The following ANKDD1A variants were observed in gnomAD, a reference collection of about 807,000 sequenced individuals.
The protein encoded by ANKDD1A is ankyrin repeat and death domain containing 1A.
In ANKDD1A, 59 loss-of-function variants were observed where a neutral mutation model predicts 63.5. The ratio of observed to expected loss-of-function variants is 0.93; its 90% CI spans 0.75 to 1.15. The LOEUF is 1.15. Ranked by LOEUF, ANKDD1A falls within the 50% of genes most tolerant of loss-of-function variation. The pLI is 0.00. For missense variants in ANKDD1A, 632 were observed against 656.4 expected (o/e 0.96, Z 0.41); for synonymous variants, 266 against 263.9 (o/e 1.01, Z -0.08).
chr15:64,953,628 T>TTCCTTCTTCTTTC (rs2085351867), intron 14 of ANKDD1A, among the ~76,000 whole-genome samples: 31 of 125,742 alleles, frequency 2.5e-4, no homozygotes, highest in Non-Finnish European at 3.9e-4. Context: ...CTTCTTCTTC[T>TTCCTTCTTCTTTC]TCCTTCTTCT....
At chr15:64,927,142 T>C in intron 6 of ANKDD1A, 143 bp downstream of exon 6, 1 of 846,690 alleles carries the variant, frequency 1.2e-6, no homozygotes, top group Non-Finnish European at 1.9e-6. Flanking sequence ...GTATTTAGTG[T>C]TCATCCAGCA....
intron 9 of ANKDD1A, among the ~76,000 whole-genome samples, chr15:64,934,565 T>TCTCGG (rs2085113280): frequency 1.4e-5 from 2 of 146,494 alleles, no homozygotes; most frequent in African/African-American, 2.5e-5. Context: ...AGTGTTGCAA[T>TCTCGG]CTCGGCTCAC....
At chr15:64,934,068 C>G in intron 8 of ANKDD1A, 68 bp from the exon 9 acceptor site, 3 of 1,323,920 alleles carry the variant, frequency 2.3e-6, no homozygotes, top group Non-Finnish European at 2.1e-6. Flanking sequence ...AAATGAATCT[C>G]GAAGAGCTTT....
At chr15:64,927,602 CTTTTTTTTTTTT>C (rs5813333) in intron 6 of ANKDD1A, among the ~76,000 whole-genome samples, 2 of 130,646 alleles carry the variant, frequency 1.5e-5, no homozygotes, top group African/African-American at 3.2e-5. Flanking sequence ...AGCAAATTCC[CTTTTTTTTTTTT>C]TTTTTTTTGA....
intron 6 of ANKDD1A, among the ~76,000 whole-genome samples, chr15:64,928,792 AG>A (rs537798644): frequency 9.6e-4 from 146 of 152,390 alleles, no homozygotes; most frequent in African/African-American, 3.5e-3. Flanking sequence ...GCCCACGCCA[AG>A]GCTGCCTTCT....
intron 1 of ANKDD1A, among the ~76,000 whole-genome samples, chr15:64,913,721 G>T (rs192074461): frequency 6.6e-6 from 1 of 152,270 alleles, no homozygotes. Flanking sequence ...TGCATGGCAG[G>T]CCTGTCTCTC....
At chr15:64,934,046 A>C in intron 8 of ANKDD1A, 90 bp from the exon 9 acceptor site, 1 of 1,068,052 alleles carries the variant, frequency 9.4e-7, no homozygotes, top group South Asian at 1.5e-5. Context: ...GTGTTGTGAC[A>C]CTCAAATGGA....
intron 14 of ANKDD1A, among the ~76,000 whole-genome samples, chr15:64,954,743 C>G (rs868539821): frequency 4.8e-5 from 1 of 20,696 alleles, no homozygotes; most frequent in Non-Finnish European, 3.1e-4. Context: ...TCTTCCTTCT[C>G]CTTCTTCTTT....
At chr15:64,947,783 C>T (rs1200629093) in intron 13 of ANKDD1A, among the ~76,000 whole-genome samples, 190 bp downstream of exon 13, 2 of 152,190 alleles carry the variant, frequency 1.3e-5, no homozygotes, top group Admixed American at 6.5e-5. Flanking sequence ...TCTGCCTCTC[C>T]CCATTGATTG....
chr15:64,931,487 G>A lies in ANKDD1A; in HGVS notation c.670G>A (p.Glu224Lys), dbSNP rs1205510345. 6.2e-7 allele frequency: 1 copy of A among 1,613,360 alleles called. No individual in the cohort carries two copies. The highest frequency in any genetic ancestry group is 1.3e-5 in the African/African-American group (1 of 74,890). The stretch of plus-strand genomic sequence containing the variant: ...TCATTGCTCTTCTTGTGTGTTGCAG[G>A]AAGGTCTGACTGCCCTGCATTCGGC... ...IGLDLEEQNA[E>K]GLTALHSAAG... The change falls in exon 8 of 15, where the codon GAA (glutamate) becomes AAA (lysine). Residue 224 changes from glutamate to lysine, a missense_variant and splice_region_variant. Glu to Lys is a moderately conservative substitution (Grantham distance 56, BLOSUM62 1). Transcript: ENST00000319580.
intron 13 of ANKDD1A, among the ~76,000 whole-genome samples, chr15:64,949,241 G>GTT (rs2085249517): frequency 1.3e-5 from 2 of 152,344 alleles, no homozygotes; most frequent in South Asian, 4.2e-4. Flanking sequence ...AAACATGGTT[G>GTT]TATGTTGGAA....
intron 4 of ANKDD1A, chr15:64,922,250 C>G (rs889246179): frequency 1.9e-6 from 1 of 531,878 alleles, no homozygotes; most frequent in African/African-American, 1.9e-5. Context: ...CAAAGTAACT[C>G]CCTCAGAGGG....
At chr15:64,913,412 G>A (rs1422520613) in intron 1 of ANKDD1A, among the ~76,000 whole-genome samples, 1 of 152,168 alleles carries the variant, frequency 6.6e-6, no homozygotes, top group Non-Finnish European at 1.5e-5. Context: ...TGATGATGAT[G>A]GTGGTGGTGG....
intron 14 of ANKDD1A, among the ~76,000 whole-genome samples, chr15:64,952,763 CTCCTTTCT>C (rs2085319776): frequency 7.3e-6 from 1 of 137,844 alleles, no homozygotes; most frequent in Admixed American, 7.8e-5. Context: ...TCTCCTCCTC[CTCCTTTCT>C]TTTCTTCTTC....
In ANKDD1A at chr15:64,957,786, G is replaced by A. The variant is rs1347968474; in HGVS notation, c.*598G>A. ...GTAAGGTGGCTTCCCTGCTCTCAGTGAAGCATTTTATTAAAAGAATAATTA... is the reference window on the plus strand; with the variant it reads ...GTAAGGTGGCTTCCCTGCTCTCAGTAAAGCATTTTATTAAAAGAATAATTA... On this transcript the variant is annotated 3_prime_UTR_variant, in exon 15 of 15. Transcript: ENST00000319580. 6.6e-6 allele frequency: 1 copy of A among 152,084 alleles called. No individual in the cohort carries two copies. Among genetic ancestry groups the A allele is most frequent in the Non-Finnish European group, 1.5e-5 (1 of 68,034 alleles). The allele number at this position is 152,084 out of a possible 1,614,324, so 9.4% of individuals were successfully genotyped here.
At chr15:64,951,345 T>TTCC (rs1249216194) in intron 14 of ANKDD1A, 24,803 of 552,660 alleles carry the variant, frequency 0.045, 1,352 homozygotes, top group African/African-American at 0.17. Context: ...TCTTTCTTCT[T>TTCC]TCCTCTTCTT....
At chr15:64,944,293 T>C (rs901750057) in intron 11 of ANKDD1A, among the ~76,000 whole-genome samples, 4 of 152,198 alleles carry the variant, frequency 2.6e-5, no homozygotes, top group African/African-American at 7.2e-5. Context: ...AGTGACATGA[T>C]AAACCCAAGC....
At chr15:64,954,240 T>G (rs1482801570) in intron 14 of ANKDD1A, among the ~76,000 whole-genome samples, 2 of 150,812 alleles carry the variant, frequency 1.3e-5, no homozygotes, top group Non-Finnish European at 3.0e-5. Flanking sequence ...CTCCTTCGTC[T>G]TCTTAGTTCT....
At chr15:64,941,698 A>G (rs375422353) in intron 9 of ANKDD1A, among the ~76,000 whole-genome samples, 17 of 152,270 alleles carry the variant, frequency 1.1e-4, no homozygotes, top group Non-Finnish European at 1.9e-4. Context: ...TCTAGTATCA[A>G]TTTTATTGGC....
Sources: allele counts gnomAD v4.1 joint callset (sites outside exome capture counted in the v4.1 genomes callset), GRCh38; gene constraint gnomAD v4.1.1; transcripts MANE v1.5; gene names NCBI Gene and HGNC (gene_info 2026-07-23, HGNC 2026-07-21).